The following RALGPS1 variants were observed in gnomAD, a reference collection of about 807,000 sequenced individuals.
RALGPS1 encodes ras-specific guanine nucleotide-releasing factor RalGPS1.
Under a neutral mutation model 78.8 loss-of-function variants are expected in RALGPS1, and 19 were observed. The observed-to-expected ratio is 0.24, with a 90% CI of 0.17 to 0.35. The LOEUF (loss-of-function observed/expected upper bound fraction) is 0.35, where lower values mean the gene tolerates loss of function less well. Ranked by LOEUF, RALGPS1 falls within the 10% of genes least tolerant of loss-of-function variation. The probability of loss-of-function intolerance (pLI) is 1.00; values close to 1 mark genes in which losing one functional copy is unlikely to be tolerated. For missense variants in RALGPS1, 454 were observed against 688.3 expected (o/e 0.66, Z 3.81); for synonymous variants, 228 against 256.3 (o/e 0.89, Z 1.06).
At chr9:127,005,610 C>T (rs1321893195) in intron 4 of RALGPS1, among the ~76,000 whole-genome samples, 1 of 152,052 alleles carries the variant, frequency 6.6e-6, no homozygotes, top group Non-Finnish European at 1.5e-5. Flanking sequence ...AAAGCTGCTT[C>T]GACTACACAG....
intron 8 of RALGPS1, chr9:127,089,275 T>C: frequency 1.2e-6 from 1 of 869,210 alleles, no homozygotes; most frequent in Non-Finnish European, 1.8e-6. Context: ...CCCGTCTCCA[T>C]GGGTGGTGAG....
chr9:127,095,218 G>A (rs1022844966), intron 8 of RALGPS1, among the ~76,000 whole-genome samples: 4 of 152,164 alleles, frequency 2.6e-5, no homozygotes, highest in Non-Finnish European at 4.4e-5. Flanking sequence ...CTAACATGGT[G>A]AAACCCTGTC....
At chr9:126,944,646 A>G (rs1322971537) in intron 1 of RALGPS1, among the ~76,000 whole-genome samples, 1 of 152,124 alleles carries the variant, frequency 6.6e-6, no homozygotes, top group East Asian at 1.9e-4. Flanking sequence ...TTAACTTTTT[A>G]TTTTGAGATT....
intron 8 of RALGPS1, chr9:127,088,121 G>C (rs1022077332): frequency 1.8e-4 from 27 of 152,496 alleles, no homozygotes; most frequent in African/African-American, 6.3e-4. Flanking sequence ...GAGCGGAAAG[G>C]GGGCCTTGAA....
chr9:127,151,868 G>C (rs10739689), intron 8 of RALGPS1, among the ~76,000 whole-genome samples: 68,623 of 151,840 alleles, frequency 0.45, 16,203 homozygotes, highest in South Asian at 0.64. Flanking sequence ...TCATCTCTCT[G>C]TTCTCAGGCC....
chr9:127,125,750 A>G, intron 8 of RALGPS1, among the ~76,000 whole-genome samples: 1 of 152,232 alleles, frequency 6.6e-6, no homozygotes, highest in East Asian at 1.9e-4. Context: ...GCATCATGTG[A>G]CTAAAGCATT....
rs541157206 is a variant in RALGPS1, at chr9:127,196,751, G to A, written c.1195+120G>A. The stretch of plus-strand genomic sequence containing the variant: ...GCGCTATCATTCTTGGGGACCCAGT[G>A]GCCCCTCACCTCCCTGCAGAGGTGG... On this transcript the variant is annotated intron_variant, in intron 13 of 18. Transcript: ENST00000259351. 2.7e-5 allele frequency: 34 copies of A among 1,236,628 alleles called. No individual in the cohort carries two copies. In the African/African-American group the frequency reaches 3.3e-4, roughly 12 times the overall value. 76.6% of individuals were successfully genotyped at this position (1,236,628 alleles called of 1,614,324 possible).
At chr9:127,015,482 T>G (rs1226841431) in intron 4 of RALGPS1, among the ~76,000 whole-genome samples, 1 of 152,184 alleles carries the variant, frequency 6.6e-6, no homozygotes, top group African/African-American at 2.4e-5. Flanking sequence ...GGAACAGGAC[T>G]GCGAACAGAT....
At chr9:126,960,725 T>C (rs2038831386) in intron 1 of RALGPS1, among the ~76,000 whole-genome samples, 1 of 152,202 alleles carries the variant, frequency 6.6e-6, no homozygotes, top group Admixed American at 6.5e-5. Flanking sequence ...GATCTTGCTC[T>C]CCAGGATTGA....
At chr9:127,108,212 T>G (rs2054426001) in intron 8 of RALGPS1, 1 of 1,614,100 alleles carries the variant, frequency 6.2e-7, no homozygotes, top group Non-Finnish European at 8.5e-7. Flanking sequence ...TTGTACTTGC[T>G]GGCCAGCTGC....
chr9:127,195,649 T>C lies in RALGPS1; in HGVS notation c.1037+432T>C, dbSNP rs540188927. ...AGTGAACCTGCTGGCTCATCAGTCC[T>C]GTGAGGCCCATAGCTGGGGGACATG... On this transcript the variant is annotated intron_variant, in intron 12 of 18. Transcript: ENST00000259351. 2.0e-5 allele frequency among the ~76,000 whole-genome samples: 3 copies of C among 152,350 alleles called. No individual in the cohort carries two copies. The East Asian group carries it at 5.8e-4, about 29-fold the overall frequency.
chr9:127,089,767 A>G (rs2052233766), intron 8 of RALGPS1, among the ~76,000 whole-genome samples: 1 of 152,226 alleles, frequency 6.6e-6, no homozygotes, highest in Non-Finnish European at 1.5e-5. Flanking sequence ...GCTGCCAAGG[A>G]CAAGCAGTTC....
rs1554802022 is a variant in RALGPS1, at chr9:127,041,031, T to TTGTTTGTGTGTGTGTG, written c.300+6520_300+6521insTTGTGTGTGTGTGTGT. 3.7e-5 allele frequency among the ~76,000 whole-genome samples: 5 copies of TTGTTTGTGTGTGTGTG among 135,824 alleles called. No homozygotes were observed. The East Asian group carries it at 1.1e-3, about 30-fold the overall frequency. 89.1% of individuals were successfully genotyped at this position (135,824 alleles called of 152,430 possible). On this transcript the variant is annotated intron_variant, in intron 5 of 18. Transcript: ENST00000259351. ...CTATGAATAAAGCTGCTACAAACAT[T>TTGTTTGTGTGTGTGTG]TGTGTGTGTGTGTGTGTGTGTGTGT...
intron 1 of RALGPS1, among the ~76,000 whole-genome samples, chr9:126,947,960 A>G (rs1487749402): frequency 1.3e-5 from 2 of 152,218 alleles, no homozygotes; most frequent in Non-Finnish European, 2.9e-5. Context: ...AACAGATGAC[A>G]AAAAGAGAAC....
chr9:126,948,461 C>T (rs956762589), intron 1 of RALGPS1, among the ~76,000 whole-genome samples: 4 of 152,132 alleles, frequency 2.6e-5, no homozygotes, highest in Admixed American at 1.3e-4. Flanking sequence ...GCAGAGGTTG[C>T]AGTGAGCTGA....
intron 1 of RALGPS1, among the ~76,000 whole-genome samples, chr9:126,919,829 C>T (rs181089003): frequency 1.5e-4 from 23 of 151,226 alleles, no homozygotes; most frequent in Non-Finnish European, 2.8e-4. Flanking sequence ...TGGAGATCGG[C>T]GCACAAGCCA....
chr9:127,204,841 C>T (rs1195255120), intron 14 of RALGPS1, among the ~76,000 whole-genome samples: 1 of 152,230 alleles, frequency 6.6e-6, no homozygotes, highest in Non-Finnish European at 1.5e-5. Flanking sequence ...TTAAAAGACA[C>T]TTGTTTCCTT....
chr9:126,924,484 A>G (rs1459467311), intron 1 of RALGPS1, among the ~76,000 whole-genome samples: 1 of 152,250 alleles, frequency 6.6e-6, no homozygotes, highest in Non-Finnish European at 1.5e-5. Context: ...AGCCTGGTAT[A>G]TAGAAAGATC....
chr9:127,199,102 G>A, intron 14 of RALGPS1, 36 bp downstream of exon 14: 1 of 1,600,444 alleles, frequency 6.2e-7, no homozygotes, highest in Non-Finnish European at 8.6e-7. Flanking sequence ...CCTCCCAGGG[G>A]CGGTGCTCAG....
Sources: gnomAD v4.1 joint callset for allele counts (sites outside exome capture counted in the v4.1 genomes callset) on GRCh38, gnomAD v4.1.1 for gene constraint, MANE v1.5 for transcripts, NCBI Gene and HGNC (gene_info 2026-07-23, HGNC 2026-07-21) for gene names.